The following CNTN4 variants were observed in gnomAD, a reference collection of about 807,000 sequenced individuals.
CNTN4 encodes the protein contactin 4, also known as contactin-4.
A neutral mutation model predicts 122.5 loss-of-function variants in CNTN4; 77 were observed. The ratio of observed to expected loss-of-function variants is 0.63; its 90% confidence interval spans 0.52 to 0.76. The LOEUF (loss-of-function observed/expected upper bound fraction) is 0.76, where lower values mean the gene tolerates loss of function less well. Among genes scored for constraint, CNTN4 ranks in the 30% least tolerant of loss-of-function variants. The probability of loss-of-function intolerance (pLI) is 0.00; values close to 1 mark genes in which losing one functional copy is unlikely to be tolerated. For missense variants in CNTN4, 1,256 were observed against 1,259.1 expected (o/e 1.00, Z 0.04); for synonymous variants, 512 against 447.0 (o/e 1.15, Z -1.83).
intron 12 of CNTN4, among the ~76,000 whole-genome samples, chr3:2,920,406 C>T (rs2094416907): frequency 6.6e-6 from 1 of 151,032 alleles, no homozygotes; most frequent in African/African-American, 2.4e-5. Flanking sequence ...TTTGCCCAGT[C>T]TACATGTGTG....
At chr3:3,005,345 G>C (rs2125440544) in intron 14 of CNTN4, among the ~76,000 whole-genome samples, 1 of 152,148 alleles carries the variant, frequency 6.6e-6, no homozygotes, top group African/African-American at 2.4e-5. Flanking sequence ...TCTGTCTTCT[G>C]ATCATTTCTC....
intron 6 of CNTN4, among the ~76,000 whole-genome samples, chr3:2,803,634 A>G (rs894122506): frequency 1.3e-5 from 2 of 150,280 alleles, no homozygotes; most frequent in African/African-American, 4.9e-5. Flanking sequence ...ATCTTGGCTC[A>G]CTGCAACATC....
chr3:3,008,866 C>A, intron 14 of CNTN4: 6 of 753,384 alleles, frequency 8.0e-6, no homozygotes, highest in Non-Finnish European at 9.7e-6. Flanking sequence ...AGCAGGCATT[C>A]GGGTTTCCCA....
chr3:2,233,239 C>G (rs1337894018), intron 2 of CNTN4, among the ~76,000 whole-genome samples: 1 of 152,024 alleles, frequency 6.6e-6, no homozygotes, highest in Non-Finnish European at 1.5e-5. Context: ...CTTCACTGAT[C>G]CCTGTCTGAA....
At chr3:2,968,236 T>C (rs1692529349) in intron 13 of CNTN4, among the ~76,000 whole-genome samples, 1 of 152,198 alleles carries the variant, frequency 6.6e-6, no homozygotes, top group African/African-American at 2.4e-5. Flanking sequence ...ACAATGTGCT[T>C]TTTGCTCCCT....
rs531373763 is a variant in CNTN4 at position 2,716,428 on chromosome 3, T to A, written c.56-19787T>A. Among the ~76,000 whole-genome samples the A allele has an allele frequency of 2.0e-5, 3 of 152,088 alleles. No homozygotes were observed. The East Asian group carries it at 5.8e-4, about 29-fold the overall frequency. On this transcript the variant is annotated intron_variant, in intron 4 of 24. Coordinates refer to ENST00000418658, the MANE Select transcript of CNTN4 (RefSeq NM_175607.3). ...TGTAAAGCACATTGCGTAGTCCCTG[T>A]CTTAGTCAGCTAGAGCTGTCATAAC...
At chr3:2,178,901 T>C (rs2149273673) in intron 2 of CNTN4, among the ~76,000 whole-genome samples, 1 of 152,058 alleles carries the variant, frequency 6.6e-6, no homozygotes, top group Non-Finnish European at 1.5e-5. Context: ...TTGAATGAAA[T>C]ACGACCAAAA....
chr3:2,380,057 C>CAAAAAAAA (rs5846182), intron 3 of CNTN4, among the ~76,000 whole-genome samples: 1 of 119,816 alleles, frequency 8.3e-6, no homozygotes. Flanking sequence ...AACTCCATCT[C>CAAAAAAAA]AAAAAAAAAA....
At chr3:2,189,987 G>A (rs1326927255) in intron 2 of CNTN4, among the ~76,000 whole-genome samples, 1 of 152,162 alleles carries the variant, frequency 6.6e-6, no homozygotes, top group Non-Finnish European at 1.5e-5. Flanking sequence ...ATACAGGAAG[G>A]TGATGATGAA....
chr3:2,671,466 T>C (rs1336155891), intron 4 of CNTN4, among the ~76,000 whole-genome samples: 1 of 152,182 alleles, frequency 6.6e-6, no homozygotes, highest in African/African-American at 2.4e-5. Flanking sequence ...CTTCCCTTCA[T>C]TGGTTATTCT....
At chr3:2,241,040 T>C (rs1447368302) in intron 2 of CNTN4, among the ~76,000 whole-genome samples, 1 of 152,112 alleles carries the variant, frequency 6.6e-6, no homozygotes, top group Non-Finnish European at 1.5e-5. Flanking sequence ...CAGCATGGCA[T>C]TGACAAAAGC....
intron 7 of CNTN4, among the ~76,000 whole-genome samples, chr3:2,830,306 T>C (rs2093075847): frequency 6.6e-6 from 1 of 152,210 alleles, no homozygotes; most frequent in Non-Finnish European, 1.5e-5. Context: ...CAAAAAAAAT[T>C]AAAAAGATTA....
At chr3:2,455,606 T>G (rs1395297284) in intron 3 of CNTN4, among the ~76,000 whole-genome samples, 1 of 152,086 alleles carries the variant, frequency 6.6e-6, no homozygotes, top group African/African-American at 2.4e-5. Flanking sequence ...CTGTTAAGGT[T>G]TTACTGTTTT....
At chr3:2,336,698 C>G (rs1178548) in intron 2 of CNTN4, among the ~76,000 whole-genome samples, 133,496 of 152,078 alleles carry the variant, frequency 0.88, 59,616 homozygotes, top group East Asian at 1. Context: ...TAGCTAAAAC[C>G]TAACCTCATG....
chr3:2,381,024 G>T (rs2045998159), intron 3 of CNTN4, among the ~76,000 whole-genome samples: 1 of 149,040 alleles, frequency 6.7e-6, no homozygotes, highest in African/African-American at 2.5e-5. Flanking sequence ...TTTTTTTTTG[G>T]AGACAGAGTC....
At chr3:2,387,179 T>C (rs191919015) in intron 3 of CNTN4, among the ~76,000 whole-genome samples, 3 of 152,308 alleles carry the variant, frequency 2.0e-5, no homozygotes, top group Admixed American at 2.0e-4. Context: ...ATGAATGAAA[T>C]ATTGAAAAAT....
chr3:2,335,274 TG>T (rs1297966543), intron 2 of CNTN4, among the ~76,000 whole-genome samples: 2 of 151,582 alleles, frequency 1.3e-5, no homozygotes, highest in Non-Finnish European at 2.9e-5. Flanking sequence ...GGATTGAACA[TG>T]GAAAGTTTAG....
At chr3:2,531,231 G>A (rs1241795365) in intron 3 of CNTN4, among the ~76,000 whole-genome samples, 1 of 152,238 alleles carries the variant, frequency 6.6e-6, no homozygotes, top group African/African-American at 2.4e-5. Context: ...AGGAGACAAG[G>A]TGTTGTCTTC....
chr3:2,828,793 T>G (rs1021862952), intron 7 of CNTN4, among the ~76,000 whole-genome samples: 1 of 152,106 alleles, frequency 6.6e-6, no homozygotes, highest in South Asian at 2.1e-4. Context: ...TAGTCTGGAG[T>G]GCAGTGGCAC....
Sources: allele counts gnomAD v4.1 joint callset (sites outside exome capture counted in the v4.1 genomes callset), GRCh38; gene constraint gnomAD v4.1.1; transcripts MANE v1.5; gene names NCBI Gene and HGNC (gene_info 2026-07-23, HGNC 2026-07-21).